NALF1: variants seen among roughly 807,000 people sequenced by gnomAD.
The protein encoded by NALF1 is family with sequence similarity 155 member A.
A neutral mutation model predicts 48.4 loss-of-function variants in NALF1; 3 were observed. That is an observed-to-expected ratio of 0.06 (90% CI 0.03 to 0.16). The LOEUF (loss-of-function observed/expected upper bound fraction) is 0.16. Among genes scored for constraint, NALF1 ranks in the 10% least tolerant of loss-of-function variants. The pLI, the probability that NALF1 is intolerant of heterozygous loss-of-function variation, is 1.00. For synonymous variants in NALF1, 262 were observed against 245.7 expected (o/e 1.07, Z -0.62); for missense variants, 526 against 571.5 (o/e 0.92, Z 0.81).
At chr13:107,376,435 C>T (rs929019650) in intron 1 of NALF1, among the ~76,000 whole-genome samples, 1 of 152,152 alleles carries the variant, frequency 6.6e-6, no homozygotes, top group Non-Finnish European at 1.5e-5. Context: ...TATGTTGCTT[C>T]CCCCTGGACT....
At chr13:107,865,098 A>T (rs1054589977) in intron 1 of NALF1, among the ~76,000 whole-genome samples, 19 of 152,220 alleles carry the variant, frequency 1.2e-4, no homozygotes, top group African/African-American at 4.6e-4. Context: ...CAGAAAACTT[A>T]AAAAAAGTAA....
At chr13:107,613,993 AC>A (rs1879308891) in intron 1 of NALF1, among the ~76,000 whole-genome samples, 1 of 152,180 alleles carries the variant, frequency 6.6e-6, no homozygotes, top group Admixed American at 6.5e-5. Context: ...GAAAATTGAT[AC>A]TCAGAAAGGG....
chr13:107,375,548 G>A (rs1372490207), intron 1 of NALF1, among the ~76,000 whole-genome samples: 1 of 151,668 alleles, frequency 6.6e-6, no homozygotes, highest in African/African-American at 2.4e-5. Context: ...GCTGCTCCGT[G>A]TAATAATATA....
intron 1 of NALF1, among the ~76,000 whole-genome samples, chr13:107,574,639 A>G (rs1469428407): frequency 2.0e-5 from 3 of 152,204 alleles, no homozygotes; most frequent in East Asian, 3.9e-4. Flanking sequence ...GTGAGGCTCA[A>G]AGATAAAATT....
intron 1 of NALF1, among the ~76,000 whole-genome samples, chr13:107,585,659 C>T (rs931848071): frequency 1.3e-5 from 2 of 152,178 alleles, no homozygotes; most frequent in Non-Finnish European, 2.9e-5. Context: ...TCATCACCTA[C>T]TTCCTGCTTG....
intron 1 of NALF1, among the ~76,000 whole-genome samples, chr13:107,528,470 A>G (rs1255371437): frequency 5.3e-5 from 8 of 152,152 alleles, no homozygotes; most frequent in Non-Finnish European, 1.0e-4. Context: ...TGGGTCACAT[A>G]AACTTTTGTT....
At chr13:107,197,227 T>G (rs1471855183) in intron 2 of NALF1, among the ~76,000 whole-genome samples, 1 of 152,198 alleles carries the variant, frequency 6.6e-6, no homozygotes, top group Non-Finnish European at 1.5e-5. Context: ...GAAATAAATA[T>G]CTTTTCTTTA....
At chr13:107,769,058 G>A (rs1056907084) in intron 1 of NALF1, among the ~76,000 whole-genome samples, 40 of 150,394 alleles carry the variant, frequency 2.7e-4, no homozygotes, top group African/African-American at 9.5e-4. Flanking sequence ...TGGAGAGGAT[G>A]TGGAGAAATA....
At position 107,168,269 on chromosome 13, in the gene NALF1, C is replaced by T. The variant is rs566403163; in HGVS notation, c.*2228G>A. The stretch of plus-strand genomic sequence containing the variant: ...GCCTCAATTCCTCTGCTTCTCGTCC[C>T]CCCAGCGCCATTGAAATCTGTATTC... On this transcript the variant is annotated 3_prime_UTR_variant, in exon 3 of 3. Coordinates refer to ENST00000375915, the MANE Select transcript of NALF1 (RefSeq NM_001080396.3). 23 of 152,308 alleles carry T rather than the reference C, an allele frequency of 1.5e-4. No homozygotes were observed. Among genetic ancestry groups the T allele is most frequent in the African/African-American group, 5.3e-4 (22 of 41,554 alleles). The allele number at this position is 152,308 out of a possible 1,614,324, so 9.4% of individuals were successfully genotyped here. A position where few individuals can be genotyped will look rare whatever the true frequency, so the allele number is the denominator to read the frequency against.
chr13:107,457,311 C>T (rs373439482), intron 1 of NALF1, among the ~76,000 whole-genome samples: 4 of 152,072 alleles, frequency 2.6e-5, no homozygotes, highest in South Asian at 2.1e-4. Context: ...ATCTAACTAC[C>T]TCAGTTTACT....
At chr13:107,329,925 G>GT in intron 1 of NALF1, among the ~76,000 whole-genome samples, 1 of 152,068 alleles carries the variant, frequency 6.6e-6, no homozygotes, top group East Asian at 1.9e-4. Flanking sequence ...TAAAACTTTA[G>GT]ACGATTTCTG....
chr13:107,420,959 A>G (rs149662406), intron 1 of NALF1, among the ~76,000 whole-genome samples: 4,076 of 152,154 alleles, frequency 0.027, 178 homozygotes, highest in African/African-American at 0.092. Flanking sequence ...TTATATCCCC[A>G]TTATCTTTAT....
chr13:107,703,980 A>ATAGT (rs67697440), intron 1 of NALF1, among the ~76,000 whole-genome samples: 14,072 of 152,026 alleles, frequency 0.093, 742 homozygotes, highest in South Asian at 0.16. Flanking sequence ...ACTCTTATTA[A>ATAGT]TAGTTTGGCT....
intron 1 of NALF1, among the ~76,000 whole-genome samples, chr13:107,356,073 G>T (rs1882958572): frequency 6.6e-6 from 1 of 152,018 alleles, no homozygotes; most frequent in Admixed American, 6.6e-5. Context: ...TGGGGCCCTG[G>T]GTACCCACTC....
rs1329830696 is a variant in NALF1, at chr13:107,236,667, GTCTGTCTATCTA to G, written c.916-25924_916-25913del. Among the ~76,000 whole-genome samples, 966 of 122,404 alleles carry G rather than the reference GTCTGTCTATCTA, an allele frequency of 7.9e-3. 10 individuals carry two copies. The highest frequency in any genetic ancestry group is 0.02 in the East Asian group (67 of 3,278). The allele number at this position is 122,404 out of a possible 152,430, so 80.3% of individuals were successfully genotyped here. A position where few individuals can be genotyped will look rare whatever the true frequency, so the allele number is the denominator to read the frequency against. On this transcript the variant is annotated intron_variant, in intron 1 of 2. Transcript: ENST00000375915. The stretch of plus-strand genomic sequence containing the variant: ...TATGGCACTATCTATCTATCCATCT[GTCTGTCTATCTA>G]TCTATCTATCTATCTATCTATCTAT...
In NALF1 at chr13:107,483,889, TAAAG is replaced by T. The variant is rs577823738; in HGVS notation, c.916-273138_916-273135del. 1.7e-3 allele frequency among the ~76,000 whole-genome samples: 258 copies of T among 152,132 alleles called. 2 individuals are homozygous for T. Among genetic ancestry groups the T allele is most frequent in the African/African-American group, 6.0e-3 (248 of 41,566 alleles). On this transcript the variant is annotated intron_variant, in intron 1 of 2. Coordinates refer to ENST00000375915, the MANE Select transcript of NALF1 (RefSeq NM_001080396.3). ...ATAATAGTTAAAAAAGCTTTAGAGA[TAAAG>T]AATACTATTTTAAAGCAAATATATA...
chr13:107,231,573 C>A (rs1880225838), intron 1 of NALF1, among the ~76,000 whole-genome samples: 1 of 152,222 alleles, frequency 6.6e-6, no homozygotes, highest in Admixed American at 6.5e-5. Flanking sequence ...CGAATTTCAG[C>A]ATCTCTATGA....
rs1268842371 is a variant in NALF1, at chr13:107,168,099, G to C, written c.*2398C>G. The stretch of plus-strand genomic sequence containing the variant: ...CACGGGGAGAAGCAGCATGAGGAAC[G>C]CTGAAGAGATGGTGAGATGGCACAT... On this transcript the variant is annotated 3_prime_UTR_variant, in exon 3 of 3. Transcript: ENST00000375915. 1 of 152,364 alleles carries C rather than the reference G, an allele frequency of 6.6e-6. No individual in the cohort carries two copies. The highest frequency in any genetic ancestry group is 1.5e-5 in the Non-Finnish European group (1 of 68,056). 9.4% of individuals were successfully genotyped at this position (152,364 alleles called of 1,614,324 possible). A position where few individuals can be genotyped will look rare whatever the true frequency, so the allele number is the denominator to read the frequency against.
At position 107,566,614 on chromosome 13, in the gene NALF1, A is replaced by G. The variant is rs373005140; in HGVS notation, c.915+299068T>C. ...AAAGGGGTTCGCACGGTAACACCAGATTCACGTTGTGGTTCCGTTTCAGAC... is the reference window on the plus strand; with the variant it reads ...AAAGGGGTTCGCACGGTAACACCAGGTTCACGTTGTGGTTCCGTTTCAGAC... On this transcript the variant is annotated intron_variant, in intron 1 of 2. Transcript: ENST00000375915. 3.9e-5 allele frequency among the ~76,000 whole-genome samples: 6 copies of G among 152,332 alleles called. No individual in the cohort carries two copies. The East Asian group carries it at 5.8e-4, about 15-fold the overall frequency.
Sources: gnomAD v4.1 joint callset for allele counts (sites outside exome capture counted in the v4.1 genomes callset) on GRCh38, gnomAD v4.1.1 for gene constraint, MANE v1.5 for transcripts, NCBI Gene and HGNC (gene_info 2026-07-23, HGNC 2026-07-21) for gene names.